PDE4C: variants seen among roughly 807,000 people sequenced by gnomAD.
The protein encoded by PDE4C is 3',5'-cyclic-AMP phosphodiesterase 4C.
PDE4C carries 50 observed loss-of-function variants against 63.9 expected under a neutral mutation model. The ratio of observed to expected loss-of-function variants is 0.78; its 90% confidence interval spans 0.62 to 0.99. PDE4C has a LOEUF of 0.99. PDE4C is among the 50% of genes least tolerant of loss of function. PDE4C has a pLI of 0.00. For synonymous variants in PDE4C, 377 were observed against 385.1 expected (o/e 0.98, Z 0.25); for missense variants, 777 against 899.1 (o/e 0.86, Z 1.74).
At chr19:18,219,347 G>T (rs772595376) in exon 8 of PDE4C, 4 of 1,613,738 alleles carry the variant, frequency 2.5e-6, no homozygotes, top group Non-Finnish European at 3.4e-6. Context: ...GACATGGGCT[G>T]TGGGGCCTCC....
upstream of PDE4C, among the ~76,000 whole-genome samples, chr19:18,250,674 A>G (rs1157924180): frequency 6.6e-6 from 1 of 150,740 alleles, no homozygotes; most frequent in African/African-American, 2.4e-5. Flanking sequence ...TAGTGCAATC[A>G]CAGCTCACTG....
Position 18,222,230 on chromosome 19 carries a change from C to CG in PDE4C, c.239dup (p.His81AlafsTer14), listed in dbSNP as rs1185182995. On this transcript the variant is annotated frameshift_variant, in exon 2 of 15. Coordinates refer to ENST00000262805, the Ensembl canonical transcript of PDE4C. LOFTEE classifies it high-confidence loss of function. ...GGAAGGACTCGCGCCGCTGGCTGTG[C>CG]GGGACTGGAGCCTGCATAATCCGGC... 1.9e-6 allele frequency: 3 copies of CG among 1,613,968 alleles called. No homozygotes were observed. The African/African-American group carries it at 4.0e-5, about 22-fold the overall frequency.
At chr19:18,213,772 G>A (rs988130511) in intron 12 of PDE4C, among the ~76,000 whole-genome samples, 11 of 152,340 alleles carry the variant, frequency 7.2e-5, no homozygotes, top group African/African-American at 1.2e-4. Flanking sequence ...GGACTTGTCA[G>A]ACAGAGTCTC....
chr19:18,221,228 G>A (rs1968470454), intron 3 of PDE4C, 33 bp downstream of exon 3: 1 of 1,558,884 alleles, frequency 6.4e-7, no homozygotes, highest in Non-Finnish European at 8.6e-7. Flanking sequence ...GGATCCGGAG[G>A]GGGTCAGGGC....
At chr19:18,251,792 T>G (rs1173780895), upstream of PDE4C, among the ~76,000 whole-genome samples, 1 of 150,916 alleles carries the variant, frequency 6.6e-6, no homozygotes, top group Non-Finnish European at 1.5e-5. Context: ...CCTGCTATTT[T>G]GCCCAGGCCC....
At chr19:18,253,750 G>A in the PDE4C span, among the ~76,000 whole-genome samples, 2 of 152,142 alleles carry the variant, frequency 1.3e-5, no homozygotes, top group Non-Finnish European at 2.9e-5. Context: ...ACCCTTCTAC[G>A]TGTTGGTCCA....
At chr19:18,224,387 G>A in intron 1 of PDE4C, 3 of 985,544 alleles carry the variant, frequency 3.0e-6, no homozygotes, top group Non-Finnish European at 3.6e-6. Context: ...CCCCGTCCAC[G>A]AGCTGGGTCG....
In PDE4C at chr19:18,219,100, T is replaced by C. The variant is rs571724129; in HGVS notation, c.871-62A>G. 4.1e-5 allele frequency: 65 copies of C among 1,575,180 alleles called. 1 individual carries two copies. The East Asian group carries it at 1.4e-3, about 34-fold the overall frequency. On this transcript the variant is annotated intron_variant, in intron 8 of 14. Transcript: ENST00000262805. Reference sequence around the variant, plus strand: ...CCCAACTTCCCCAGACTCTAGAGCCTCCATCCTCCCACCCCAGGTTCCACA... The same window carrying C: ...CCCAACTTCCCCAGACTCTAGAGCCCCCATCCTCCCACCCCAGGTTCCACA...
chr19:18,220,394 C>A lies in PDE4C; in HGVS notation c.612+9G>T, dbSNP rs1260015701. 1 of 1,612,910 alleles carries A rather than the reference C, an allele frequency of 6.2e-7. No homozygotes were observed. Among genetic ancestry groups the A allele is most frequent in the East Asian group, 2.2e-5 (1 of 44,874 alleles). On this transcript the variant is annotated intron_variant, in intron 6 of 14. Transcript: ENST00000262805. The surrounding 1 kb of genome is among the most constrained non-coding windows in gnomAD (Gnocchi z 5.1). The stretch of plus-strand genomic sequence containing the variant: ...AGGCAGGTGAGCTCAGCGATCTGCC[C>A]CACCTCACCTTGTTGGAGGCCATCT...
chr19:18,218,262 G>A lies in PDE4C; in HGVS notation c.1135-14C>T, dbSNP rs573645909. 6.2e-7 allele frequency: 1 copy of A among 1,614,002 alleles called. No homozygotes were observed. Among genetic ancestry groups the A allele is most frequent in the Admixed American group, 1.7e-5 (1 of 60,032 alleles). On this transcript the variant is annotated splice_polypyrimidine_tract_variant and intron_variant, in intron 10 of 14. Transcript: ENST00000262805. ...TGTGAACACAGCCTGAGCAGGCAGA[G>A]GGCACAGGCGGTGAGGGGCGGGTTC...
At position 18,211,950 on chromosome 19, in the gene PDE4C, A is replaced by G. The variant is rs1437562218; in HGVS notation, c.1513-9T>C. ...ACCAGGTTCTGCAAGACCTACAGAG[A>G]TCGAGGCTTGGGAGGGCACTGGCGG... On this transcript the variant is annotated splice_polypyrimidine_tract_variant and intron_variant, in intron 13 of 14. Coordinates refer to ENST00000262805, the Ensembl canonical transcript of PDE4C. 3 of 1,610,606 alleles carry G rather than the reference A, an allele frequency of 1.9e-6. No individual in the cohort carries two copies. The highest frequency in any genetic ancestry group is 2.5e-6 in the Non-Finnish European group (3 of 1,177,174).
Position 18,222,116 on chromosome 19 carries a change from C to T in PDE4C, c.338+16G>A. ...GGAGGGTAGAGGCGGTGTCATCCCA[C>T]CAGCCCCAGACTCACAGGTCGCTGG... On this transcript the variant is annotated intron_variant, in intron 2 of 14. Transcript: ENST00000262805. The T allele has an allele frequency of 6.3e-7, 1 of 1,597,086 alleles. No individual in the cohort carries two copies. Among genetic ancestry groups the T allele is most frequent in the Non-Finnish European group, 8.6e-7 (1 of 1,166,648 alleles).
upstream of PDE4C, among the ~76,000 whole-genome samples, chr19:18,231,362 C>G (rs540229041): frequency 1.3e-5 from 2 of 152,370 alleles, no homozygotes; most frequent in Admixed American, 6.5e-5. Context: ...CCTAGAAGAG[C>G]TCATACCAAG....
chr19:18,245,182 G>A (rs942162652), intron 1 of PDE4C, among the ~76,000 whole-genome samples: 1 of 111,356 alleles, frequency 9.0e-6, no homozygotes, highest in Non-Finnish European at 1.9e-5. Context: ...TTGTTTGTTT[G>A]AGACAGAGTC....
chr19:18,213,861 A>G (rs2148007087), intron 12 of PDE4C, among the ~76,000 whole-genome samples: 1 of 152,282 alleles, frequency 6.6e-6, no homozygotes, highest in South Asian at 2.1e-4. Context: ...GAGTCACAGC[A>G]AACCCTAGAA....
chr19:18,213,377 G>A (rs1219285305), exon 13 of PDE4C: 1 of 1,613,466 alleles, frequency 6.2e-7, no homozygotes, highest in South Asian at 1.1e-5. Context: ...CCTGGATTCG[G>A]TCGGAATAGT....
chr19:18,232,951 G>C lies in PDE4C; in HGVS notation c.241C>G (p.Arg81Gly). 6.9e-7 allele frequency: 1 copy of C among 1,444,278 alleles called. No individual in the cohort carries two copies. The highest frequency in any genetic ancestry group is 1.5e-5 in the South Asian group (1 of 68,062). The allele number at this position is 1,444,278 out of a possible 1,614,324, so 89.5% of individuals were successfully genotyped here. The change falls in exon 1 of 15, where the codon CGC becomes GGC. Residue 81 changes from arginine (R) to glycine (G), a missense_variant and splice_region_variant. Coordinates refer to the PDE4C transcript ENST00000594465. ...GAGGCCCCTGCCCCGGCCACCTACCGCCTGCAGGAGGAAACGGGCCAGGAG... is the reference window on the plus strand; with the variant it reads ...GAGGCCCCTGCCCCGGCCACCTACCCCCTGCAGGAGGAAACGGGCCAGGAG...
chr19:18,219,584 G>GATTAC, intron 7 of PDE4C, 187 bp from the exon 8 acceptor site: 1 of 626,656 alleles, frequency 1.6e-6, no homozygotes, highest in Non-Finnish European at 2.7e-6. Context: ...AGTGCTTTGG[G>GATTAC]AGGTCGAGGT....
upstream of PDE4C, among the ~76,000 whole-genome samples, chr19:18,236,424 T>C (rs1201448009): frequency 6.6e-6 from 1 of 152,086 alleles, no homozygotes; most frequent in Non-Finnish European, 1.5e-5. Flanking sequence ...GGTTTCACCA[T>C]GTTGACCAGG....
Sources: allele counts gnomAD v4.1 joint callset (sites outside exome capture counted in the v4.1 genomes callset), GRCh38; gene constraint gnomAD v4.1.1; non-coding constraint Gnocchi (gnomAD v3.1); transcripts MANE v1.5; gene names NCBI Gene and HGNC (gene_info 2026-07-23, HGNC 2026-07-21).